Variants in DPP6 observed in about 807,000 individuals in gnomAD.
DPP6 encodes dipeptidyl peptidase like 6.
In DPP6, 69 loss-of-function variants were observed where a neutral mutation model predicts 122.6. The observed-to-expected ratio is 0.56, with a 90% confidence interval of 0.46 to 0.69. The LOEUF (loss-of-function observed/expected upper bound fraction) is 0.69. Among genes scored for constraint, DPP6 ranks in the 30% least tolerant of loss-of-function variants. DPP6 has a pLI of 0.00. For missense variants in DPP6, 928 were observed against 1,116.9 expected, an observed-to-expected ratio of 0.83 and a Z score of 2.41; for synonymous variants, 418 against 433.1, an observed-to-expected ratio of 0.97 and a Z score of 0.43.
intron 1 of DPP6, among the ~76,000 whole-genome samples, chr7:154,358,464 A>G (rs146880700): frequency 1.3e-5 from 2 of 152,302 alleles, no homozygotes; most frequent in African/African-American, 4.8e-5. Context: ...TGTGCGCCGT[A>G]TTACAAAGAA....
chr7:153,957,738 C>T (rs1795131899), intron 1 of DPP6, among the ~76,000 whole-genome samples: 1 of 152,196 alleles, frequency 6.6e-6, no homozygotes, highest in Non-Finnish European at 1.5e-5. Flanking sequence ...TCAGAACTAC[C>T]TCATTAACGC....
intron 1 of DPP6, among the ~76,000 whole-genome samples, chr7:154,179,586 T>C (rs2150743897): frequency 6.6e-6 from 1 of 152,328 alleles, no homozygotes; most frequent in South Asian, 2.1e-4. Context: ...ACCACCAAGC[T>C]GATACCAATA....
At chr7:154,681,012 GTCA>G (rs538832674) in intron 7 of DPP6, among the ~76,000 whole-genome samples, 5 of 152,208 alleles carry the variant, frequency 3.3e-5, no homozygotes, top group African/African-American at 7.2e-5. Context: ...TAATTGATAA[GTCA>G]TCATCGTATA....
intron 1 of DPP6, among the ~76,000 whole-genome samples, chr7:154,400,903 T>G (rs1325531609): frequency 6.6e-6 from 1 of 152,134 alleles, no homozygotes; most frequent in East Asian, 1.9e-4. Flanking sequence ...ATTGCACAGC[T>G]AATTTAAATG....
chr7:154,553,624 T>G (rs967491649), intron 4 of DPP6, among the ~76,000 whole-genome samples: 1 of 152,162 alleles, frequency 6.6e-6, no homozygotes, highest in Non-Finnish European at 1.5e-5. Context: ...ACACAGCTGA[T>G]AGCTGATAGT....
At chr7:154,083,547 G>A (rs1440995040) in intron 1 of DPP6, among the ~76,000 whole-genome samples, 1 of 150,422 alleles carries the variant, frequency 6.6e-6, no homozygotes, top group Admixed American at 6.6e-5. Flanking sequence ...AATACCCTAA[G>A]CCACAGCTCA....
chr7:153,850,548 A>G, the DPP6 span, among the ~76,000 whole-genome samples: 10 of 152,196 alleles, frequency 6.6e-5, no homozygotes, highest in Middle Eastern at 3.2e-3. Context: ...GAGAAGGTAT[A>G]TTAGTCTGTT....
intron 1 of DPP6, among the ~76,000 whole-genome samples, chr7:153,984,992 C>T (rs983282133): frequency 3.9e-5 from 6 of 152,202 alleles, no homozygotes; most frequent in Admixed American, 3.9e-4. Flanking sequence ...TAGAATGGTC[C>T]TTCATTTATC....
At chr7:153,845,984 GTC>G in the DPP6 span, among the ~76,000 whole-genome samples, 1 of 151,804 alleles carries the variant, frequency 6.6e-6, no homozygotes, top group Admixed American at 6.5e-5. Context: ...ACTGTTTTCT[GTC>G]TCTCTGATAA....
At chr7:153,805,498 C>T in the DPP6 span, among the ~76,000 whole-genome samples, 1 of 152,176 alleles carries the variant, frequency 6.6e-6, no homozygotes, top group African/African-American at 2.4e-5. Context: ...GTGAGTAGTG[C>T]TGCAATAAAC....
chr7:154,525,887 T>G (rs181959248), intron 3 of DPP6, among the ~76,000 whole-genome samples: 102 of 152,318 alleles, frequency 6.7e-4, no homozygotes, highest in African/African-American at 2.4e-3. Flanking sequence ...TCTTTTACAT[T>G]TCCTCACCGT....
the DPP6 span, among the ~76,000 whole-genome samples, chr7:153,773,264 C>CGTGTGTGTGTGT: frequency 0.033 from 4,393 of 132,362 alleles, 166 homozygotes; most frequent in African/African-American, 0.07. Flanking sequence ...TCTTTTCTTT[C>CGTGTGTGTGTGT]GTGTGTGTGT....
chr7:154,020,691 C>G (rs1250704498), intron 1 of DPP6, among the ~76,000 whole-genome samples: 1 of 152,168 alleles, frequency 6.6e-6, no homozygotes, highest in African/African-American at 2.4e-5. Flanking sequence ...AGCTCAAATT[C>G]TCACTGTGGA....
chr7:154,662,119 C>G (rs1384311931), intron 6 of DPP6, among the ~76,000 whole-genome samples: 5 of 143,468 alleles, frequency 3.5e-5, no homozygotes, highest in Non-Finnish European at 7.5e-5. Context: ...CATATTGGCG[C>G]TAGTATTCAT....
At chr7:153,886,745 C>G (rs543648159), upstream of DPP6, among the ~76,000 whole-genome samples, 2 of 152,172 alleles carry the variant, frequency 1.3e-5, no homozygotes, top group African/African-American at 4.8e-5. Context: ...TAACCTGTTA[C>G]AACATTATTT....
chr7:153,804,122 T>C, the DPP6 span, among the ~76,000 whole-genome samples: 540 of 151,566 alleles, frequency 3.6e-3, no homozygotes, highest in African/African-American at 4.1e-3. Flanking sequence ...TGATCTCGAC[T>C]CGCTGCAACC....
At chr7:154,247,985 T>C (rs1178005938) in intron 1 of DPP6, among the ~76,000 whole-genome samples, 1 of 152,164 alleles carries the variant, frequency 6.6e-6, no homozygotes, top group East Asian at 1.9e-4. Flanking sequence ...AATGTATTTC[T>C]CACCATTTCG....
intron 6 of DPP6, among the ~76,000 whole-genome samples, chr7:154,660,181 CCCTAGTGTTCAT>C (rs1837530954): frequency 6.6e-6 from 1 of 152,252 alleles, no homozygotes; most frequent in African/African-American, 2.4e-5. Context: ...CGCATATTGG[CCCTAGTGTTCAT>C]GCAGTGATGG....
At chr7:154,446,648 A>T (rs1045318665) in intron 2 of DPP6, among the ~76,000 whole-genome samples, 1 of 152,210 alleles carries the variant, frequency 6.6e-6, no homozygotes, top group Non-Finnish European at 1.5e-5. Flanking sequence ...GAATTCCTGG[A>T]CATTATATCA....
Sources: allele counts gnomAD v4.1 joint callset (sites outside exome capture counted in the v4.1 genomes callset), GRCh38; gene constraint gnomAD v4.1.1; transcripts MANE v1.5; gene names NCBI Gene and HGNC (gene_info 2026-07-23, HGNC 2026-07-21).